The following BRCC3 variants were observed in gnomAD, a reference collection of about 807,000 sequenced individuals.
The protein encoded by BRCC3 is lys-63-specific deubiquitinase BRCC36.
BRCC3 carries 15 observed loss-of-function variants against 28.0 expected under a neutral mutation model. The ratio of observed to expected loss-of-function variants is 0.54; its 90% confidence interval spans 0.36 to 0.82. The LOEUF (loss-of-function observed/expected upper bound fraction) is 0.82. Ranked by LOEUF, BRCC3 falls within the 40% of genes least tolerant of loss-of-function variation. BRCC3 has a pLI of 0.01. For synonymous variants in BRCC3, 66 were observed against 80.3 expected, an observed-to-expected ratio of 0.82 and a Z score of 0.95; for missense variants, 109 against 225.9, an observed-to-expected ratio of 0.48 and a Z score of 3.32.
At chrX:155,074,999 G>A (rs1385080319) in intron 3 of BRCC3, among the ~76,000 whole-genome samples, 1 of 112,360 alleles carries the variant, frequency 8.9e-6, no homozygotes, top group African/African-American at 3.2e-5. Context: ...AAATTTTTTA[G>A]TAATCACAGT....
At chrX:155,096,873 C>T (rs1369218505) in intron 7 of BRCC3, among the ~76,000 whole-genome samples, 1 of 111,879 alleles carries the variant, frequency 8.9e-6, no homozygotes, top group African/African-American at 3.2e-5. Flanking sequence ...GTCAACTAAC[C>T]GTCAACAAAG....
intron 7 of BRCC3, among the ~76,000 whole-genome samples, chrX:155,100,530 T>G (rs1173961889): frequency 8.9e-6 from 1 of 112,493 alleles, no homozygotes; most frequent in Non-Finnish European, 1.9e-5. Context: ...TTGGAAAATG[T>G]CCTTCATTTT....
chrX:155,087,252 C>T (rs1384023945), intron 5 of BRCC3, among the ~76,000 whole-genome samples: 1 of 111,581 alleles, frequency 9.0e-6, no homozygotes, highest in African/African-American at 3.3e-5. Flanking sequence ...GAAGCTTCGC[C>T]GGCGAGAAGA....
chrX:155,106,316 T>C (rs782443152), intron 7 of BRCC3, among the ~76,000 whole-genome samples: 1 of 112,298 alleles, frequency 8.9e-6, no homozygotes, highest in African/African-American at 3.2e-5. Context: ...ATTTGAAGGC[T>C]ACTATTTCTG....
At chrX:155,105,730 G>A (rs782093527) in intron 7 of BRCC3, among the ~76,000 whole-genome samples, 26 of 111,453 alleles carry the variant, frequency 2.3e-4, no homozygotes, top group Non-Finnish European at 4.5e-4. Context: ...ACGGAGTCTC[G>A]CCCAGTTGTC....
Position 155,123,029 on chromosome X carries a change from T to C in BRCC3, c.*1825T>C, listed in dbSNP as rs1242103337. 2 of 111,559 alleles carry C rather than the reference T, an allele frequency of 1.8e-5. No individual in the cohort carries two copies. The highest frequency in any genetic ancestry group is 3.8e-5 in the Non-Finnish European group (2 of 53,107). The allele number at this position is 111,559 out of a possible 1,213,427, so 9.2% of individuals were successfully genotyped here. On this transcript the variant is annotated 3_prime_UTR_variant, in exon 11 of 11. Transcript: ENST00000330045. ...CTACATACACACAAATGAATGCATG[T>C]AAAATCTGGTGATACTGAATAAAGT...
intron 7 of BRCC3, among the ~76,000 whole-genome samples, chrX:155,097,643 T>C (rs782284663): frequency 4.5e-4 from 50 of 112,228 alleles, no homozygotes; most frequent in African/African-American, 1.3e-3. Flanking sequence ...CATGGAGAAA[T>C]TGGAACCCTT....
At chrX:155,073,581 G>A in intron 3 of BRCC3, 150 bp downstream of exon 3, 1 of 677,197 alleles carries the variant, frequency 1.5e-6, no homozygotes, top group Non-Finnish European at 2.2e-6. Flanking sequence ...CTAGGAATGG[G>A]ACCTAATTTT....
rs1245912404 is a variant in BRCC3, at chrX:155,088,580, C to T, written c.404-683C>T. Among the ~76,000 whole-genome samples, 3 of 110,714 alleles carry T rather than the reference C, an allele frequency of 2.7e-5. No individual in the cohort carries two copies. In the Admixed American group the frequency reaches 2.9e-4, roughly 11 times the overall value. On this transcript the variant is annotated intron_variant, in intron 5 of 10. Coordinates refer to ENST00000330045, the MANE Select transcript of BRCC3 (RefSeq NM_001018055.3). The stretch of plus-strand genomic sequence containing the variant: ...GTTGGTCAGGCTGGTCTCAAACTCC[C>T]GACCTGAGGTGATCCGCCTGCCTCA...
chrX:155,075,368 CT>C (rs2074030593), intron 3 of BRCC3, among the ~76,000 whole-genome samples: 2 of 111,360 alleles, frequency 1.8e-5, no homozygotes, highest in African/African-American at 6.7e-5. Context: ...TGCTCCCTTT[CT>C]CCACACCTTT....
At chrX:155,118,415 C>T (rs2074370503) in intron 9 of BRCC3, among the ~76,000 whole-genome samples, 1 of 111,352 alleles carries the variant, frequency 9.0e-6, no homozygotes, top group Admixed American at 9.5e-5. Context: ...GCATTTGATG[C>T]AAAGGGAACT....
At chrX:155,084,753 T>C (rs2074109888) in intron 5 of BRCC3, among the ~76,000 whole-genome samples, 1 of 111,534 alleles carries the variant, frequency 9.0e-6, no homozygotes, top group Admixed American at 9.5e-5. Context: ...GGATGATTGC[T>C]TCAGCCTGGG....
At position 155,075,380 on chromosome X, in the gene BRCC3, T is replaced by TG. The variant is rs1557293453; in HGVS notation, c.196-1790_196-1789insG. ...CTCTGCTCCCTTTCTCCACACCTTT[T>TG]TTGTCCACTCATAAATGCTTTATTG... On this transcript the variant is annotated intron_variant, in intron 3 of 10. Coordinates refer to ENST00000330045, the MANE Select transcript of BRCC3 (RefSeq NM_001018055.3). 1.8e-4 allele frequency among the ~76,000 whole-genome samples: 20 copies of TG among 111,950 alleles called. 1 individual carries two copies. Among genetic ancestry groups the TG allele is most frequent in the Admixed American group, 1.6e-3 (17 of 10,650 alleles).
chrX:155,108,704 C>G (rs1557297789), intron 7 of BRCC3, among the ~76,000 whole-genome samples: 1 of 111,474 alleles, frequency 9.0e-6, no homozygotes, highest in African/African-American at 3.3e-5. Context: ...ATGTATAAGT[C>G]ATATTCATTT....
intron 7 of BRCC3, among the ~76,000 whole-genome samples, chrX:155,092,510 C>G (rs782573412): frequency 9.0e-6 from 1 of 111,659 alleles, no homozygotes; most frequent in African/African-American, 3.3e-5. Context: ...TCTGTACAAC[C>G]AAGCAGTGTA....
At chrX:155,085,916 C>G (rs1224165387) in intron 5 of BRCC3, among the ~76,000 whole-genome samples, 1 of 111,614 alleles carries the variant, frequency 9.0e-6, no homozygotes, top group African/African-American at 3.3e-5. Context: ...TGAATGACTC[C>G]GAGGAACTGC....
At chrX:155,105,338 CCAAG>C (rs2074273998) in intron 7 of BRCC3, among the ~76,000 whole-genome samples, 5 of 111,327 alleles carry the variant, frequency 4.5e-5, no homozygotes, top group East Asian at 2.8e-4. Context: ...CAAAAATTAG[CCAAG>C]TGTGGTGGCG....
chrX:155,109,717 A>G (rs1164070365), intron 7 of BRCC3, among the ~76,000 whole-genome samples: 3 of 111,872 alleles, frequency 2.7e-5, no homozygotes, highest in African/African-American at 9.7e-5. Context: ...CATGTCTTCC[A>G]TAAACAAGGG....
intron 7 of BRCC3, among the ~76,000 whole-genome samples, chrX:155,106,362 T>C (rs2074285072): frequency 8.9e-6 from 1 of 112,437 alleles, no homozygotes; most frequent in Admixed American, 9.4e-5. Flanking sequence ...TCTTTTGTTC[T>C]TTGAGTTAAT....
Sources: allele counts gnomAD v4.1 joint callset (sites outside exome capture counted in the v4.1 genomes callset), GRCh38; gene constraint gnomAD v4.1.1; transcripts MANE v1.5; gene names NCBI Gene and HGNC (gene_info 2026-07-23, HGNC 2026-07-21).